TEKT5: variants seen among roughly 807,000 people sequenced by gnomAD.
The protein encoded by TEKT5 is tektin 5, also known as tektin-5.
Under a neutral mutation model 48.7 loss-of-function variants are expected in TEKT5, and 52 were observed. The observed-to-expected ratio is 1.07, with a 90% CI of 0.86 to 1.35. TEKT5 has a LOEUF of 1.35. Among genes scored for constraint, TEKT5 ranks in the 40% most tolerant of loss-of-function variants. The pLI is 0.00. For synonymous variants in TEKT5, 318 were observed against 267.6 expected (o/e 1.19, Z -1.84); for missense variants, 831 against 641.6 (o/e 1.30, Z -3.19).
intron 5 of TEKT5, among the ~76,000 whole-genome samples, chr16:10,648,699 G>C (rs79824303): frequency 0.024 from 3,684 of 152,260 alleles, 163 homozygotes; most frequent in African/African-American, 0.084. Context: ...TTTCAAACCT[G>C]CTGACCATTT....
chr16:10,681,015 T>TAATA (rs1028081424), intron 4 of TEKT5, among the ~76,000 whole-genome samples: 11 of 109,740 alleles, frequency 1.0e-4, no homozygotes, highest in South Asian at 2.9e-4. Flanking sequence ...ATAATAATAA[T>TAATA]AATAAATAAA....
intron 6 of TEKT5, among the ~76,000 whole-genome samples, chr16:10,629,101 G>A (rs185234861): frequency 4.5e-4 from 69 of 152,206 alleles, no homozygotes; most frequent in Non-Finnish European, 8.7e-4. Flanking sequence ...TCAGGCGGTG[G>A]GGAGAATGTA....
At chr16:10,676,974 A>G (rs1292360036) in intron 4 of TEKT5, among the ~76,000 whole-genome samples, 1 of 122,844 alleles carries the variant, frequency 8.1e-6, no homozygotes. Context: ...AGTTGAGTCC[A>G]GGAGTTCAAG....
intron 5 of TEKT5, among the ~76,000 whole-genome samples, chr16:10,650,945 A>G (rs1326329346): frequency 6.6e-6 from 1 of 151,860 alleles, no homozygotes; most frequent in Non-Finnish European, 1.5e-5. Flanking sequence ...GTGCACTAGA[A>G]ACACTGGGGC....
At chr16:10,632,985 G>A (rs1897860695) in intron 6 of TEKT5, among the ~76,000 whole-genome samples, 1 of 151,638 alleles carries the variant, frequency 6.6e-6, no homozygotes, top group Non-Finnish European at 1.5e-5. Flanking sequence ...TATGACTGTT[G>A]AACGGGAAAC....
chr16:10,693,686 A>G (rs985558971), intron 1 of TEKT5, among the ~76,000 whole-genome samples: 1 of 152,212 alleles, frequency 6.6e-6, no homozygotes, highest in Admixed American at 6.5e-5. Context: ...TACGGGGAAA[A>G]ATAAGGCAGT....
intron 5 of TEKT5, among the ~76,000 whole-genome samples, chr16:10,643,139 G>GGGA (rs1444462186): frequency 6.6e-6 from 1 of 152,128 alleles, no homozygotes; most frequent in African/African-American, 2.4e-5. Context: ...CCAGCACTTT[G>GGGA]GGATGCCGAG....
intron 3 of TEKT5, among the ~76,000 whole-genome samples, chr16:10,682,521 T>C (rs1861644): frequency 0.15 from 22,314 of 152,058 alleles, 1,914 homozygotes; most frequent in African/African-American, 0.25. Flanking sequence ...GTAGACATGG[T>C]CTTGCTGTGT....
At chr16:10,659,020 G>T (rs2142284063) in intron 5 of TEKT5, among the ~76,000 whole-genome samples, 1 of 152,220 alleles carries the variant, frequency 6.6e-6, no homozygotes, top group East Asian at 1.9e-4. Context: ...GCCCAGTCTG[G>T]GACCAGATCA....
At chr16:10,649,624 C>T (rs1003354959) in intron 5 of TEKT5, among the ~76,000 whole-genome samples, 21 of 150,998 alleles carry the variant, frequency 1.4e-4, no homozygotes, top group South Asian at 2.1e-4. Flanking sequence ...TTTGTAGAGA[C>T]TGGGTCTCCC....
intron 4 of TEKT5, among the ~76,000 whole-genome samples, chr16:10,680,273 G>A (rs1256500765): frequency 6.6e-6 from 1 of 152,246 alleles, no homozygotes; most frequent in African/African-American, 2.4e-5. Flanking sequence ...TGTGACATTT[G>A]TAAGATCCAG....
At chr16:10,643,521 A>C (rs1898025382) in intron 5 of TEKT5, among the ~76,000 whole-genome samples, 1 of 152,274 alleles carries the variant, frequency 6.6e-6, no homozygotes, top group South Asian at 2.1e-4. Context: ...GCTGTCCAAC[A>C]TGAGGCCGAG....
chr16:10,656,240 G>C (rs1040392483), intron 5 of TEKT5, among the ~76,000 whole-genome samples: 3 of 152,060 alleles, frequency 2.0e-5, no homozygotes, highest in African/African-American at 7.2e-5. Flanking sequence ...GAGAACCACT[G>C]CTCTTGATTT....
chr16:10,636,725 G>GTGTGTA (rs1555464623), intron 5 of TEKT5, among the ~76,000 whole-genome samples: 1 of 146,650 alleles, frequency 6.8e-6, no homozygotes, highest in African/African-American at 2.6e-5. Flanking sequence ...GTGTGTGTGT[G>GTGTGTA]TATTCAAACA....
At chr16:10,686,155 T>A (rs958761218) in intron 3 of TEKT5, among the ~76,000 whole-genome samples, 4 of 152,220 alleles carry the variant, frequency 2.6e-5, no homozygotes, top group African/African-American at 9.6e-5. Context: ...TACAGTCAAT[T>A]GATTTTCAGC....
intron 5 of TEKT5, among the ~76,000 whole-genome samples, chr16:10,640,549 A>G (rs1206937140): frequency 6.6e-6 from 1 of 152,232 alleles, no homozygotes; most frequent in Non-Finnish European, 1.5e-5. Flanking sequence ...CCATGAAATC[A>G]TCACCATAAT....
intron 1 of TEKT5, among the ~76,000 whole-genome samples, chr16:10,691,677 G>A (rs954985331): frequency 5.9e-5 from 9 of 152,094 alleles, no homozygotes; most frequent in Non-Finnish European, 1.3e-4. Context: ...GACCAGACAC[G>A]GTGGCTCACG....
At chr16:10,641,920 T>G (rs1897999103) in intron 5 of TEKT5, among the ~76,000 whole-genome samples, 1 of 152,262 alleles carries the variant, frequency 6.6e-6, no homozygotes, top group African/African-American at 2.4e-5. Flanking sequence ...AGCACGAGAC[T>G]AGCTCCAAAG....
At chr16:10,687,105 G>A (rs1319553618) in intron 3 of TEKT5, among the ~76,000 whole-genome samples, 1 of 152,124 alleles carries the variant, frequency 6.6e-6, no homozygotes, top group East Asian at 1.9e-4. Flanking sequence ...GGGAGATGGT[G>A]GTCAAAGGGT....
Sources: allele counts gnomAD v4.1 joint callset (sites outside exome capture counted in the v4.1 genomes callset), GRCh38; gene constraint gnomAD v4.1.1; transcripts MANE v1.5; gene names NCBI Gene and HGNC (gene_info 2026-07-23, HGNC 2026-07-21).